Variants in DNAH7 observed in about 807,000 individuals in gnomAD.
The protein encoded by DNAH7 is axonemal beta dynein heavy chain 7.
In DNAH7, 397 loss-of-function variants were observed where a neutral mutation model predicts 444.6. The observed-to-expected ratio is 0.89, with a 90% CI of 0.82 to 0.97. DNAH7 has a LOEUF of 0.97. Among genes scored for constraint, DNAH7 ranks in the 50% least tolerant of loss-of-function variants. The pLI, the probability that DNAH7 is intolerant of heterozygous loss-of-function variation, is 0.00. For synonymous variants in DNAH7, 1,636 were observed against 1,624.4 expected (o/e 1.01, Z -0.17); for missense variants, 4,902 against 4,800.8 (o/e 1.02, Z -0.62).
At chr2:195,929,635 T>C (rs1688558837) in intron 21 of DNAH7, among the ~76,000 whole-genome samples, 1 of 152,204 alleles carries the variant, frequency 6.6e-6, no homozygotes, top group Admixed American at 6.5e-5. Context: ...GGACTCCCTA[T>C]TCAATAAACG....
Position 195,796,609 on chromosome 2 carries a change from G to A in DNAH7, c.10482C>T (p.Thr3494=), listed in dbSNP as rs1376501072. The change falls in exon 56 of 65, where the codon ACC becomes ACT. Residue 3494 remains threonine, a synonymous_variant. Transcript: ENST00000312428. ...WVVLQNCHLA[T]SWMPTLEKVC... ...CTTTCTCAAGGGTTGGCATCCAAGA[G>A]GTGGCAAGGTGACAATTCTGAAGAA... 3.1e-6 allele frequency: 5 copies of A among 1,614,016 alleles called. No individual in the cohort carries two copies. The highest frequency in any genetic ancestry group is 3.3e-5 in the Admixed American group (2 of 60,002).
chr2:196,057,243 T>C (rs1235083334), intron 2 of DNAH7, among the ~76,000 whole-genome samples: 1 of 152,116 alleles, frequency 6.6e-6, no homozygotes, highest in Non-Finnish European at 1.5e-5. Flanking sequence ...ATGAGCACAA[T>C]ATAAGGTTTT....
Position 195,832,510 on chromosome 2 carries a change from A to G in DNAH7, c.9100+1696T>C, listed in dbSNP as rs771225741. Among the ~76,000 whole-genome samples, 38 of 150,516 alleles carry G rather than the reference A, an allele frequency of 2.5e-4. 1 individual carries two copies. The highest frequency in any genetic ancestry group is 4.4e-4 in the Non-Finnish European group (30 of 67,706). On this transcript the variant is annotated intron_variant, in intron 48 of 64. Transcript: ENST00000312428. ...CAGGTTGGAGTGCAGTGGTGTTATC[A>G]TAGCTCACTGCAGCCTTGACATCTT...
intron 63 of DNAH7, among the ~76,000 whole-genome samples, chr2:195,744,600 T>C (rs1386951432): frequency 2.6e-5 from 4 of 152,012 alleles, no homozygotes; most frequent in East Asian, 1.9e-4. Context: ...CTGGGAGGCA[T>C]CCCCCAGTAG....
rs368612455 is a variant in DNAH7, at chr2:195,936,767, G to C, written c.3104C>G (p.Thr1035Ser). ...CAGCCTTTCCAGCATTCTGTCAATG[G>C]TTACAACTGTCAGAACATGTTTATC... ...MQDKHVLTVV[T>S]IDRMLERLKK... The change falls in exon 20 of 65, where the codon ACC (threonine) becomes AGC (serine). Residue 1035 changes from threonine (T) to serine (S), a missense_variant. By Grantham distance (58) the Thr-to-Ser change is moderately conservative. Transcript: ENST00000312428. The C allele has an allele frequency of 6.4e-7, 1 of 1,555,130 alleles. No homozygotes were observed. Among genetic ancestry groups the C allele is most frequent in the East Asian group, 2.3e-5 (1 of 43,322 alleles).
chr2:195,873,519 A>C, intron 39 of DNAH7, 49 bp downstream of exon 39: 1 of 1,119,702 alleles, frequency 8.9e-7, no homozygotes, highest in Non-Finnish European at 1.2e-6. Context: ...ATGTTTCTAA[A>C]ATATTTTATA....
At chr2:195,764,690 C>A (rs1323781757) in intron 61 of DNAH7, among the ~76,000 whole-genome samples, 1 of 151,690 alleles carries the variant, frequency 6.6e-6, no homozygotes, top group East Asian at 1.9e-4. Flanking sequence ...AGTAAAAAGA[C>A]CTCTATGATA....
intron 2 of DNAH7, among the ~76,000 whole-genome samples, chr2:196,056,220 G>A (rs1356176338): frequency 1.3e-5 from 2 of 151,972 alleles, no homozygotes; most frequent in African/African-American, 4.8e-5. Context: ...CGAGGCGGGC[G>A]GATTACCTGA....
At chr2:195,964,656 G>T (rs182974645) in intron 17 of DNAH7, among the ~76,000 whole-genome samples, 290 of 148,968 alleles carry the variant, frequency 1.9e-3, no homozygotes, top group African/African-American at 6.5e-3. Flanking sequence ...CACGAGGTCA[G>T]GAGTTCGAGA....
At chr2:196,047,806 A>G (rs1697231561) in intron 4 of DNAH7, among the ~76,000 whole-genome samples, 1 of 151,960 alleles carries the variant, frequency 6.6e-6, no homozygotes, top group African/African-American at 2.4e-5. Flanking sequence ...TGATAAAAAC[A>G]GGATACAAAA....
At chr2:196,017,393 G>A (rs150426107) in intron 9 of DNAH7, among the ~76,000 whole-genome samples, 25 of 152,114 alleles carry the variant, frequency 1.6e-4, no homozygotes, top group African/African-American at 3.9e-4. Context: ...ATCAGAACAC[G>A]GACAATTTTT....
chr2:195,897,784 ACTC>A lies in DNAH7; in HGVS notation c.4549-22_4549-20del. On this transcript the variant is annotated intron_variant, in intron 28 of 64. Transcript: ENST00000312428. Reference sequence around the variant, plus strand: ...ATTTCAGCTAAAAAAAAAAAAAAAAACTCATGAGGATATCTGCATCTCCTAACA... The same window carrying A: ...ATTTCAGCTAAAAAAAAAAAAAAAAAATGAGGATATCTGCATCTCCTAACA... The A allele has an allele frequency of 3.2e-6, 4 of 1,255,840 alleles. No individual in the cohort carries two copies. The highest frequency in any genetic ancestry group is 1.6e-5 in the African/African-American group (1 of 61,714). The allele number at this position is 1,255,840 out of a possible 1,614,324, so 77.8% of individuals were successfully genotyped here.
At chr2:195,847,463 A>G (rs1699077250) in intron 46 of DNAH7, among the ~76,000 whole-genome samples, 1 of 151,894 alleles carries the variant, frequency 6.6e-6, no homozygotes, top group Admixed American at 6.6e-5. Flanking sequence ...GACACAAAGA[A>G]GGGAGCAATA....
At chr2:195,883,356 G>A (rs1701520666) in intron 35 of DNAH7, among the ~76,000 whole-genome samples, 1 of 152,058 alleles carries the variant, frequency 6.6e-6, no homozygotes, top group South Asian at 2.1e-4. Flanking sequence ...GCTGAGGCAG[G>A]AGAATGGCGT....
Position 196,048,371 on chromosome 2 carries a change from G to A in DNAH7, c.175C>T (p.Pro59Ser), listed in dbSNP as rs1476375494. ...STKPHWQQAA[P>S]SFHLSVKQDD... is the part of the protein sequence containing the mutation. ...TGCTTTACACTCAAATGGAATGATG[G>A]AGCTGCCTGCTGCCAGTGGGGCTTT... Residue 59 changes from proline (P) to serine (S), a missense_variant, in exon 4 of 65, where the codon CCA becomes TCA. Physicochemically the swap from Pro to Ser is moderately conservative, Grantham distance 74. Transcript: ENST00000312428. The A allele has an allele frequency of 1.2e-6, 2 of 1,613,836 alleles. No homozygotes were observed. The highest frequency in any genetic ancestry group is 1.7e-6 in the Non-Finnish European group (2 of 1,179,914).
chr2:195,877,042 T>C (rs1701104069), intron 36 of DNAH7, among the ~76,000 whole-genome samples: 1 of 152,208 alleles, frequency 6.6e-6, no homozygotes, highest in Non-Finnish European at 1.5e-5. Context: ...GAATGTTCTT[T>C]TTCATATATC....
At chr2:195,913,065 G>A (rs944030092) in intron 24 of DNAH7, among the ~76,000 whole-genome samples, 7 of 152,020 alleles carry the variant, frequency 4.6e-5, no homozygotes, top group Admixed American at 4.6e-4. Context: ...ATTCAGGAAT[G>A]AGAAATATTT....
intron 17 of DNAH7, among the ~76,000 whole-genome samples, chr2:195,964,744 C>G (rs1216963330): frequency 2.0e-5 from 3 of 150,400 alleles, no homozygotes; most frequent in Non-Finnish European, 4.4e-5. Flanking sequence ...GGCATGGTGG[C>G]ACGCGCTTGT....
Position 195,922,171 on chromosome 2 carries a change from G to T in DNAH7, c.3852C>A (p.Ile1284=). ...WQENHLETKM[I]NAGLRYGYEY... Reference sequence around the variant, plus strand: ...CATATCCATATCGCAAACCAGCATTGATCATTTTTGTTTCTAAATGATTTT... The same window carrying T: ...CATATCCATATCGCAAACCAGCATTTATCATTTTTGTTTCTAAATGATTTT... Residue 1284 remains isoleucine (I), a synonymous_variant, in exon 24 of 65, where the codon ATC becomes ATA. Transcript: ENST00000312428. The T allele has an allele frequency of 6.2e-7, 1 of 1,611,542 alleles. No homozygotes were observed. Among genetic ancestry groups the T allele is most frequent in the South Asian group, 1.1e-5 (1 of 90,932 alleles).
Sources: allele counts gnomAD v4.1 joint callset (sites outside exome capture counted in the v4.1 genomes callset), GRCh38; gene constraint gnomAD v4.1.1; transcripts MANE v1.5; gene names NCBI Gene and HGNC (gene_info 2026-07-23, HGNC 2026-07-21).